SRFBP1: variants seen among roughly 807,000 people sequenced by gnomAD.
The protein encoded by SRFBP1 is serum response factor-binding protein 1.
SRFBP1 carries 47 observed loss-of-function variants against 45.5 expected under a neutral mutation model. The ratio of observed to expected loss-of-function variants is 1.03; its 90% CI spans 0.82 to 1.32. The LOEUF is 1.32. SRFBP1 is among the 40% of genes most tolerant of loss of function. SRFBP1 has a pLI of 0.00. For missense variants in SRFBP1, 621 were observed against 484.6 expected, an observed-to-expected ratio of 1.28 and a Z score of -2.64; for synonymous variants, 203 against 166.3, an observed-to-expected ratio of 1.22 and a Z score of -1.70.
chr5:122,022,593 G>T (rs1006517209), intron 7 of SRFBP1, among the ~76,000 whole-genome samples, 186 bp downstream of exon 7: 2 of 152,074 alleles, frequency 1.3e-5, no homozygotes, highest in African/African-American at 4.8e-5. Context: ...TCTGTGTCCT[G>T]CCAGAGGGAA....
rs187984961 is a variant in SRFBP1 at position 121,990,654 on chromosome 5, G to C, written c.199-3945G>C. 1.1e-3 allele frequency among the ~76,000 whole-genome samples: 162 copies of C among 152,274 alleles called. 1 individual carries two copies. The highest frequency in any genetic ancestry group is 3.3e-3 in the African/African-American group (138 of 41,566). On this transcript the variant is annotated intron_variant, in intron 3 of 7. Transcript: ENST00000339397. The stretch of plus-strand genomic sequence containing the variant: ...CTGTTCAACATGTGTCATTGTGCTT[G>C]AGTCTCATAGTCAAAGGTGAATAAG...
chr5:121,995,689 AC>A (rs1752709638), intron 4 of SRFBP1, among the ~76,000 whole-genome samples: 1 of 152,196 alleles, frequency 6.6e-6, no homozygotes, highest in African/African-American at 2.4e-5. Flanking sequence ...AAATAGAGAC[AC>A]AAAAAACCCT....
intron 3 of SRFBP1, among the ~76,000 whole-genome samples, chr5:121,978,751 C>T (rs1752353376): frequency 6.6e-6 from 1 of 152,168 alleles, no homozygotes; most frequent in Non-Finnish European, 1.5e-5. Flanking sequence ...CTCGGCCTCC[C>T]ATAGTACTGG....
chr5:122,059,136 A>G (rs1754131807), intron 2 of SRFBP1, among the ~76,000 whole-genome samples: 1 of 152,162 alleles, frequency 6.6e-6, no homozygotes, highest in African/African-American at 2.4e-5. Context: ...TTTACTCAGA[A>G]GTATTCCCCC....
chr5:122,000,188 A>G (rs200415458), intron 4 of SRFBP1, among the ~76,000 whole-genome samples: 1 of 152,212 alleles, frequency 6.6e-6, no homozygotes, highest in East Asian at 1.9e-4. Flanking sequence ...TTTTATATGC[A>G]GTGTAATGAT....
At chr5:121,996,213 AAG>A (rs1428656248) in intron 4 of SRFBP1, among the ~76,000 whole-genome samples, 1 of 144,180 alleles carries the variant, frequency 6.9e-6, no homozygotes, top group Non-Finnish European at 1.5e-5. Flanking sequence ...ACAACAAAAA[AAG>A]AGAATTTTAG....
chr5:122,033,520 G>A (rs537641844), downstream of SRFBP1, among the ~76,000 whole-genome samples: 7 of 151,640 alleles, frequency 4.6e-5, no homozygotes, highest in African/African-American at 1.7e-4. Context: ...GAGTGCACTG[G>A]TGCCATCTTG....
In SRFBP1 at chr5:122,006,228, C is replaced by T. The variant is rs570354476; in HGVS notation, c.270+11558C>T. On this transcript the variant is annotated intron_variant, in intron 4 of 7. Coordinates refer to ENST00000339397, the MANE Select transcript of SRFBP1 (RefSeq NM_152546.3). Reference sequence around the variant, plus strand: ...AATATATCATCCCACTCTTTCCTGGCTTATAAGGTAGGCCTTTACTGAGAA... The same window carrying T: ...AATATATCATCCCACTCTTTCCTGGTTTATAAGGTAGGCCTTTACTGAGAA... 4.6e-5 allele frequency among the ~76,000 whole-genome samples: 7 copies of T among 152,184 alleles called. No individual in the cohort carries two copies. The South Asian group carries it at 1.2e-3, about 27-fold the overall frequency.
chr5:122,069,019 G>C (rs1754380466), intron 2 of SRFBP1, among the ~76,000 whole-genome samples: 1 of 152,204 alleles, frequency 6.6e-6, no homozygotes, highest in South Asian at 2.1e-4. Context: ...CTGTGGGCAT[G>C]TTCAGAAGAA....
chr5:121,966,178 T>G (rs917085895), intron 1 of SRFBP1, among the ~76,000 whole-genome samples: 6 of 152,216 alleles, frequency 3.9e-5, no homozygotes, highest in African/African-American at 1.4e-4. Flanking sequence ...TACGCTTTAT[T>G]TCTTTCTCTT....
intron 2 of SRFBP1, among the ~76,000 whole-genome samples, chr5:122,045,668 G>A (rs558089627): frequency 6.6e-6 from 1 of 152,158 alleles, no homozygotes; most frequent in Admixed American, 6.6e-5. Flanking sequence ...TATGTCACTG[G>A]TGTATAGGAA....
At chr5:122,076,598 T>C (rs1754642214), downstream of SRFBP1, among the ~76,000 whole-genome samples, 2 of 152,228 alleles carry the variant, frequency 1.3e-5, no homozygotes, top group African/African-American at 4.8e-5. Flanking sequence ...ATTGGAACAA[T>C]TGACTCCCAA....
intron 4 of SRFBP1, among the ~76,000 whole-genome samples, chr5:121,998,050 A>G (rs953775297): frequency 6.6e-6 from 1 of 152,014 alleles, no homozygotes; most frequent in Non-Finnish European, 1.5e-5. Flanking sequence ...AAATAGGAAC[A>G]CTTACACTGT....
intron 1 of SRFBP1, 79 bp downstream of exon 1, chr5:121,962,147 G>T (rs891153231): frequency 2.5e-6 from 4 of 1,569,936 alleles, no homozygotes; most frequent in Non-Finnish European, 1.7e-6. Flanking sequence ...TCGGAGGCGG[G>T]CATAGAGGGT....
chr5:121,981,810 G>A (rs911631838), intron 3 of SRFBP1, among the ~76,000 whole-genome samples: 33 of 151,838 alleles, frequency 2.2e-4, no homozygotes, highest in African/African-American at 8.0e-4. Context: ...CTATCATATG[G>A]TATAGCAGTC....
In SRFBP1 at chr5:122,027,367, T is replaced by C. The variant is rs1753504878; in HGVS notation, c.*241T>C. 1 of 280,768 alleles carries C rather than the reference T, an allele frequency of 3.6e-6. No individual in the cohort carries two copies. The highest frequency in any genetic ancestry group is 6.6e-6 in the Non-Finnish European group (1 of 151,470). The allele number at this position is 280,768 out of a possible 1,614,324, so 17.4% of individuals were successfully genotyped here. A position where few individuals can be genotyped will look rare whatever the true frequency, so the allele number is the denominator to read the frequency against. ...TCTGCAGCTATTACTTAAACTCGTA[T>C]TTGAATAAGTCTCTTGGGGAGAATT... On this transcript the variant is annotated 3_prime_UTR_variant, in exon 8 of 8. Transcript: ENST00000339397.
intron 1 of SRFBP1, among the ~76,000 whole-genome samples, chr5:121,967,984 ATCT>A (rs1752110313): frequency 6.6e-6 from 1 of 151,950 alleles, no homozygotes; most frequent in East Asian, 1.9e-4. Flanking sequence ...AATTCCACCC[ATCT>A]TCTTTTCTAC....
At chr5:122,048,184 G>T (rs1167879975) in intron 2 of SRFBP1, among the ~76,000 whole-genome samples, 1 of 152,156 alleles carries the variant, frequency 6.6e-6, no homozygotes, top group East Asian at 1.9e-4. Flanking sequence ...CTGTGGGTTT[G>T]TCGTAGATAG....
intron 4 of SRFBP1, among the ~76,000 whole-genome samples, chr5:122,004,688 G>C (rs1275716052): frequency 1.3e-5 from 2 of 151,788 alleles, no homozygotes; most frequent in African/African-American, 4.8e-5. Context: ...ATTTTCTTCT[G>C]CTCACTTTGG....
Sources: gnomAD v4.1 joint callset for allele counts (sites outside exome capture counted in the v4.1 genomes callset) on GRCh38, gnomAD v4.1.1 for gene constraint, MANE v1.5 for transcripts, NCBI Gene and HGNC (gene_info 2026-07-23, HGNC 2026-07-21) for gene names.